IL22RA1: variants seen among roughly 807,000 people sequenced by gnomAD.
IL22RA1 encodes the protein interleukin 22 receptor subunit alpha 1.
IL22RA1 carries 25 observed loss-of-function variants against 32.8 expected under a neutral mutation model. That is an observed-to-expected ratio of 0.76 (90% confidence interval 0.55 to 1.06). The LOEUF (loss-of-function observed/expected upper bound fraction) is 1.06, where lower values mean the gene tolerates loss of function less well. IL22RA1 is among the 50% of genes least tolerant of loss of function. The pLI is 0.00. For synonymous variants in IL22RA1, 305 were observed against 305.0 expected (o/e 1.00, Z 0.00); for missense variants, 709 against 727.4 (o/e 0.97, Z 0.29).
intron 4 of IL22RA1, 106 bp from the exon 5 acceptor site, chr1:24,128,385 G>C: frequency 1.5e-6 from 2 of 1,340,572 alleles, no homozygotes; most frequent in Non-Finnish European, 1.1e-6. Flanking sequence ...GATGCTGATG[G>C]GTCTGTCTTC....
intron 1 of IL22RA1, among the ~76,000 whole-genome samples, chr1:24,141,438 T>C (rs1010767456): frequency 1.3e-5 from 2 of 151,750 alleles, no homozygotes; most frequent in African/African-American, 4.8e-5. Context: ...GCGGGAACGG[T>C]TGCTGGTTGA....
chr1:24,129,464 C>T (rs1644189464), intron 4 of IL22RA1, among the ~76,000 whole-genome samples: 1 of 152,232 alleles, frequency 6.6e-6, no homozygotes, highest in African/African-American at 2.4e-5. Context: ...ATCCCAGACC[C>T]CAAACCCAAA....
chr1:24,142,287 C>T (rs1644286948), intron 1 of IL22RA1, among the ~76,000 whole-genome samples: 1 of 152,232 alleles, frequency 6.6e-6, no homozygotes, highest in Admixed American at 6.5e-5. Context: ...GAGGCCATAC[C>T]TGCTCGCCAT....
At chr1:24,137,016 C>T in intron 3 of IL22RA1, 115 bp downstream of exon 3, 1 of 981,330 alleles carries the variant, frequency 1.0e-6, no homozygotes, top group South Asian at 1.7e-5. Context: ...CCTCCCCTTG[C>T]AGAGAGCCCC....
intron 5 of IL22RA1, among the ~76,000 whole-genome samples, chr1:24,126,324 T>C (rs1374524730): frequency 2.0e-5 from 3 of 152,226 alleles, no homozygotes; most frequent in African/African-American, 7.2e-5. Flanking sequence ...GGTGGAGAAA[T>C]CAGTCTCTTG....
At chr1:24,123,150 G>T in intron 6 of IL22RA1, 152 bp downstream of exon 6, 1 of 1,186,386 alleles carries the variant, frequency 8.4e-7, no homozygotes, top group Non-Finnish European at 1.1e-6. Context: ...CACGTCCGTT[G>T]ACTTTAGCTG....
chr1:24,126,399 G>A lies in IL22RA1; in HGVS notation c.670+1742C>T, dbSNP rs117380639. ...GAGGACCAGAGTGTCATTTTCTAGG[G>A]CCCAGCTCTGGCAGCTGCCTGGCCT... is the stretch of plus-strand genomic sequence containing the variant. On this transcript the variant is annotated intron_variant, in intron 5 of 6. Transcript: ENST00000270800. 1.6e-4 allele frequency among the ~76,000 whole-genome samples: 25 copies of A among 152,292 alleles called. No homozygotes were observed. In the East Asian group the frequency reaches 3.1e-3, roughly 19 times the overall value.
intron 4 of IL22RA1, among the ~76,000 whole-genome samples, chr1:24,133,512 C>G (rs1032744780): frequency 6.6e-6 from 1 of 152,206 alleles, no homozygotes; most frequent in African/African-American, 2.4e-5. Context: ...TTTCTGAATA[C>G]GAAAAGAAAT....
intron 4 of IL22RA1, among the ~76,000 whole-genome samples, chr1:24,129,876 G>A (rs1304879185): frequency 6.6e-6 from 1 of 152,130 alleles, no homozygotes; most frequent in Non-Finnish European, 1.5e-5. Context: ...ATAACTCCAG[G>A]AGAGTTGCCA....
chr1:24,138,697 G>C lies in IL22RA1; in HGVS notation c.61C>G (p.Pro21Ala), dbSNP rs569388945. 5 of 1,614,148 alleles carry C rather than the reference G, an allele frequency of 3.1e-6. No homozygotes were observed. In the South Asian group the frequency reaches 5.5e-5, roughly 18 times the overall value. The change falls in exon 2 of 7, where the codon CCC becomes GCC. Residue 21 changes from proline to alanine, a missense_variant. Pro to Ala is a conservative substitution (Grantham distance 27). Coordinates refer to ENST00000270800, the MANE Select transcript of IL22RA1 (RefSeq NM_021258.4). ...TTCACGTGCTGGAGCAGATCCGAGG[G>C]GTCCTCAGGGGCGTGAGCTGCAGGA... is the stretch of plus-strand genomic sequence containing the variant. ...GSLAAHAPED[P>A]SDLLQHVKFQ...
chr1:24,125,967 A>G (rs531563819), intron 5 of IL22RA1, among the ~76,000 whole-genome samples: 2 of 152,328 alleles, frequency 1.3e-5, no homozygotes, highest in East Asian at 3.9e-4. Flanking sequence ...AGTCTTAGGA[A>G]AAAATGGTAT....
chr1:24,131,765 A>G (rs927030617), intron 4 of IL22RA1, among the ~76,000 whole-genome samples: 21 of 152,302 alleles, frequency 1.4e-4, no homozygotes, highest in Middle Eastern at 3.4e-3. Context: ...AATCACCTTT[A>G]CCTAATTGAT....
At chr1:24,127,995 C>T in intron 5 of IL22RA1, 146 bp downstream of exon 5, 1 of 756,970 alleles carries the variant, frequency 1.3e-6, no homozygotes, top group Non-Finnish European at 2.0e-6. Context: ...TATGGATAAA[C>T]AAAGATTGAC....
chr1:24,121,566 A>T lies in IL22RA1; in HGVS notation c.964T>A (p.Ser322Thr), dbSNP rs551333307. 4 of 1,609,080 alleles carry T rather than the reference A, an allele frequency of 2.5e-6. No homozygotes were observed. The African/African-American group carries it at 5.3e-5, about 21-fold the overall frequency. Residue 322 changes from serine (S) to threonine (T), a missense_variant, in exon 7 of 7, where the codon TCC (serine) becomes ACC (threonine). Transcript: ENST00000270800. ...PAGAPQRHSL[S>T]EITYLGQPDI... ...GGCTGCCCTAAGTAGGTGATCTCGG[A>T]CAGGCTATGCCGCTGTGGAGCTCCT...
rs769707593 is a variant in IL22RA1 at position 24,121,340 on chromosome 1, T to C, written c.1190A>G (p.Asp397Gly). The C allele has an allele frequency of 1.2e-6, 2 of 1,602,038 alleles. No homozygotes were observed. Among genetic ancestry groups the C allele is most frequent in the Non-Finnish European group, 1.7e-6 (2 of 1,172,216 alleles). ...TACCCCATAGGAGGGAGGCCAGCTG[T>C]CCGGAGTGGCTTGAGGGGCATAGGA... The part of the protein sequence containing the change: ...PSSYAPQATP[D>G]SWPPSYGVCM... The change falls in exon 7 of 7, where the codon GAC becomes GGC. Residue 397 changes from aspartate to glycine, a missense_variant. By Grantham distance (94) the Asp-to-Gly change is moderately conservative. Transcript: ENST00000270800.
chr1:24,122,010 A>C (rs983294009), intron 6 of IL22RA1, among the ~76,000 whole-genome samples: 1 of 152,112 alleles, frequency 6.6e-6, no homozygotes, highest in Admixed American at 6.5e-5. Context: ...CGGATAATCC[A>C]GGGAGTAGAT....
At position 24,137,642 on chromosome 1, in the gene IL22RA1, G is replaced by A. The variant is rs562955849; in HGVS notation, c.177-333C>T. The stretch of plus-strand genomic sequence containing the variant: ...AGTGATTCTCCTGCCTCAGCCTCCC[G>A]AGTAGCTGGGATTACAGGAGTGCAC... On this transcript the variant is annotated intron_variant, in intron 2 of 6. Transcript: ENST00000270800. 9.9e-5 allele frequency among the ~76,000 whole-genome samples: 15 copies of A among 151,032 alleles called. No individual in the cohort carries two copies. In the East Asian group the frequency reaches 2.9e-3, roughly 30 times the overall value.
Position 24,137,519 on chromosome 1 carries a change from T to TC in IL22RA1, c.177-211_177-210insG, listed in dbSNP as rs1460130134. Among the ~76,000 whole-genome samples, 3 of 150,846 alleles carry TC rather than the reference T, an allele frequency of 2.0e-5. No homozygotes were observed. In the East Asian group the frequency reaches 5.8e-4, roughly 29 times the overall value. On this transcript the variant is annotated intron_variant, in intron 2 of 6. Coordinates refer to ENST00000270800, the MANE Select transcript of IL22RA1 (RefSeq NM_021258.4). ...TTCTTTCTTTATTCCTTCCTTTCTT[T>TC]TTTTTTTTTTTTCTTGAGACACAGC...
rs1238282204 is a variant in IL22RA1 at position 24,128,310 on chromosome 1, C to T, written c.532-31G>A. The T allele has an allele frequency of 3.7e-6, 6 of 1,612,592 alleles. No individual in the cohort carries two copies. In the Admixed American group the frequency reaches 1.0e-4, roughly 27 times the overall value. ...TTGGACAGAGAATGGAATGTGATTC[C>T]TGTTACACACCGATCTCCACATAGA... is the stretch of plus-strand genomic sequence containing the variant. On this transcript the variant is annotated intron_variant, in intron 4 of 6. Coordinates refer to ENST00000270800, the MANE Select transcript of IL22RA1 (RefSeq NM_021258.4).
Sources: gnomAD v4.1 joint callset for allele counts (sites outside exome capture counted in the v4.1 genomes callset) on GRCh38, gnomAD v4.1.1 for gene constraint, MANE v1.5 for transcripts, NCBI Gene and HGNC (gene_info 2026-07-23, HGNC 2026-07-21) for gene names.